PPP2R3B: variants seen among roughly 807,000 people sequenced by gnomAD.
PPP2R3B encodes serine/threonine-protein phosphatase 2A regulatory subunit B'' subunit beta.
A neutral mutation model predicts 72.9 loss-of-function variants in PPP2R3B; 68 were observed. The observed-to-expected ratio is 0.93, with a 90% CI of 0.77 to 1.14. The LOEUF (loss-of-function observed/expected upper bound fraction) is 1.14, where lower values mean the gene tolerates loss of function less well. Ranked by LOEUF, PPP2R3B falls within the 50% of genes most tolerant of loss-of-function variation. The pLI, the probability that PPP2R3B is intolerant of heterozygous loss-of-function variation, is 0.00. For synonymous variants in PPP2R3B, 466 were observed against 375.8 expected (o/e 1.24, Z -2.78); for missense variants, 1,018 against 842.0 (o/e 1.21, Z -2.59).
At chrX:353,993 A>G (rs759388553) in intron 2 of PPP2R3B, among the ~76,000 whole-genome samples, 64 of 133,568 alleles carry the variant, frequency 4.8e-4, no homozygotes, top group East Asian at 2.1e-3. Flanking sequence ...ACCAGGGCTC[A>G]TCCAAAGACC....
chrX:385,803 A>G (rs1450992811), intron 1 of PPP2R3B, among the ~76,000 whole-genome samples: 1 of 152,070 alleles, frequency 6.6e-6, no homozygotes, highest in Non-Finnish European at 1.5e-5. Context: ...AAAACGGACC[A>G]GGCGCAGTGA....
In PPP2R3B at chrX:334,625, C is replaced by T. The variant is rs779137561; in HGVS notation, c.1578-108G>A. On this transcript the variant is annotated intron_variant, in intron 12 of 12. Transcript: ENST00000390665. ...CCGCCAACCTCCAGCACGAGACAGTCCCCTGAGCCGACCTTGAGCTCCAGC... is the reference window on the plus strand; with the variant it reads ...CCGCCAACCTCCAGCACGAGACAGTTCCCTGAGCCGACCTTGAGCTCCAGC... The T allele has an allele frequency of 3.2e-4, 407 of 1,254,730 alleles. 7 individuals are homozygous for T. The South Asian group carries it at 7.2e-3, about 22-fold the overall frequency. The allele number at this position is 1,254,730 out of a possible 1,614,324, so 77.7% of individuals were successfully genotyped here.
chrX:339,181 G>T (rs1292881540), intron 10 of PPP2R3B, among the ~76,000 whole-genome samples: 1 of 150,816 alleles, frequency 6.6e-6, no homozygotes, highest in South Asian at 2.1e-4. Flanking sequence ...GGGCGCTGCT[G>T]GATCTGAAAT....
At chrX:382,909 G>A (rs1273353927) in intron 1 of PPP2R3B, among the ~76,000 whole-genome samples, 1 of 152,136 alleles carries the variant, frequency 6.6e-6, no homozygotes, top group Non-Finnish European at 1.5e-5. Flanking sequence ...GCAAGTCATG[G>A]AGGGGAACCA....
intron 2 of PPP2R3B, among the ~76,000 whole-genome samples, chrX:358,953 G>A (rs1228344724): frequency 6.7e-6 from 1 of 149,938 alleles, no homozygotes; most frequent in African/African-American, 2.4e-5. Context: ...GGTAGGGGAG[G>A]GCGGGGCGGC....
At chrX:341,804 A>C in intron 8 of PPP2R3B, 79 bp downstream of exon 8, 1 of 1,494,838 alleles carries the variant, frequency 6.7e-7, no homozygotes, top group Non-Finnish European at 9.3e-7. Context: ...CAAAAAGCTC[A>C]CGTCAGGCAA....
rs2071538796 is a variant in PPP2R3B at position 361,477 on chromosome X, G to T, written c.438C>A (p.Ser146Arg). The change falls in exon 2 of 13, where the codon AGC becomes AGA. Residue 146 changes from serine (S) to arginine (R), a missense_variant. By Grantham distance (110) the Ser-to-Arg change is moderately radical (BLOSUM62 -1). Coordinates refer to ENST00000390665, the MANE Select transcript of PPP2R3B (RefSeq NM_013239.5). Reference protein sequence around the residue: ...QDSVNVDAVISKIESTFARFP... With the variant: ...QDSVNVDAVIRKIESTFARFP... ...ACCGGGCGAAGGTGCTCTCGATCTT[G>T]CTGATGACGGCATCCACGTTGACGG... 3.7e-6 allele frequency: 6 copies of T among 1,613,902 alleles called. No individual in the cohort carries two copies. In the South Asian group the frequency reaches 5.5e-5, roughly 15 times the overall value.
Position 356,180 on chromosome X carries a change from G to A in PPP2R3B, c.510+5225C>T, listed in dbSNP as rs777005007. Among the ~76,000 whole-genome samples, 38 of 152,318 alleles carry A rather than the reference G, an allele frequency of 2.5e-4. No individual in the cohort carries two copies. In the South Asian group the frequency reaches 6.8e-3, roughly 27 times the overall value. ...GGTCAACGCTGCTGCCTGGAAATGCGTCACTCAGGGCCACCCCGGAAGCAG... is the reference window on the plus strand; with the variant it reads ...GGTCAACGCTGCTGCCTGGAAATGCATCACTCAGGGCCACCCCGGAAGCAG... On this transcript the variant is annotated intron_variant, in intron 2 of 12. Coordinates refer to ENST00000390665, the MANE Select transcript of PPP2R3B (RefSeq NM_013239.5).
intron 1 of PPP2R3B, among the ~76,000 whole-genome samples, chrX:375,315 G>A (rs1435241255): frequency 1.3e-5 from 2 of 151,846 alleles, no homozygotes; most frequent in Admixed American, 6.6e-5. Flanking sequence ...CCCACGATGC[G>A]GGGCGCAAAC....
chrX:363,408 A>G (rs2071592227), intron 1 of PPP2R3B, among the ~76,000 whole-genome samples: 5 of 148,110 alleles, frequency 3.4e-5, no homozygotes, highest in Admixed American at 6.7e-5. Flanking sequence ...CCGCAATCCC[A>G]CAGTGCATCT....
chrX:334,248 T>C lies in PPP2R3B; in HGVS notation c.*119A>G. On this transcript the variant is annotated 3_prime_UTR_variant, in exon 13 of 13. Coordinates refer to ENST00000390665, the MANE Select transcript of PPP2R3B (RefSeq NM_013239.5). ...CAATCAACACGCTTCTGTGAATAAA[T>C]AAAAGTTTATCATTCCGTACAAACG... The C allele has an allele frequency of 4.2e-6, 5 of 1,192,834 alleles. No homozygotes were observed. The highest frequency in any genetic ancestry group is 3.3e-6 in the Non-Finnish European group (3 of 910,968). 73.9% of individuals were successfully genotyped at this position (1,192,834 alleles called of 1,614,324 possible).
chrX:339,160 G>A (rs900981202), intron 10 of PPP2R3B, among the ~76,000 whole-genome samples: 18 of 151,628 alleles, frequency 1.2e-4, no homozygotes, highest in Admixed American at 1.3e-4. Flanking sequence ...GCAGGGAGGC[G>A]CGGCCAGCAG....
intron 1 of PPP2R3B, chrX:374,106 C>A (rs761748838): frequency 6.6e-5 from 10 of 150,914 alleles, no homozygotes; most frequent in African/African-American, 2.4e-4. Flanking sequence ...GCGGAACGCG[C>A]ATCAACAGGT....
chrX:344,098 GGGAGGCGGGAGTGAGACC>G lies in PPP2R3B; in HGVS notation c.1036+1400_1036+1417del, dbSNP rs1329423459. Among the ~76,000 whole-genome samples the G allele has an allele frequency of 7.8e-4, 110 of 141,808 alleles. 27 individuals are homozygous for G. Among genetic ancestry groups the G allele is most frequent in the Middle Eastern group, 3.7e-3 (1 of 268 alleles). 93.0% of individuals were successfully genotyped at this position (141,808 alleles called of 152,430 possible). On this transcript the variant is annotated intron_variant, in intron 7 of 12. Transcript: ENST00000390665. ...GAGGCGGGAGGGAGACCTCACCAAC[GGGAGGCGGGAGTGAGACC>G]TCACCAACGGGAGGCGGGAGGGAGA...
At chrX:363,662 C>CCCACAGTGCATATCCACGAGTCCACG (rs1569404284) in intron 1 of PPP2R3B, among the ~76,000 whole-genome samples, 11 of 2,252 alleles carry the variant, frequency 4.9e-3, no homozygotes, top group Non-Finnish European at 6.5e-3. Flanking sequence ...CTGTGCCCAC[C>CCCACAGTGCATATCCACGAGTCCACG]ATCCCACAAT....
Position 334,144 on chromosome X carries a change from A to C in PPP2R3B, c.*223T>G, listed in dbSNP as rs2070819342. On this transcript the variant is annotated 3_prime_UTR_variant, in exon 13 of 13. Coordinates refer to ENST00000390665, the MANE Select transcript of PPP2R3B (RefSeq NM_013239.5). The stretch of plus-strand genomic sequence containing the variant: ...AGCGCCAGAGGGTGTCCGTGTGGGA[A>C]CCCGTCCCATTCACGCGCGGCCCTA... 10 of 441,922 alleles carry C rather than the reference A, an allele frequency of 2.3e-5. No individual in the cohort carries two copies. The East Asian group carries it at 2.9e-4, about 13-fold the overall frequency. The allele number at this position is 441,922 out of a possible 1,614,324, so 27.4% of individuals were successfully genotyped here. A position where few individuals can be genotyped will look rare whatever the true frequency, so the allele number is the denominator to read the frequency against.
chrX:346,878 T>TG lies in PPP2R3B; in HGVS notation c.718-104dup, dbSNP rs1409358280. 7.2e-6 allele frequency: 8 copies of TG among 1,118,424 alleles called. No individual in the cohort carries two copies. In the African/African-American group the frequency reaches 1.1e-4, roughly 16 times the overall value. 69.3% of individuals were successfully genotyped at this position (1,118,424 alleles called of 1,614,324 possible). A position where few individuals can be genotyped will look rare whatever the true frequency, so the allele number is the denominator to read the frequency against. On this transcript the variant is annotated intron_variant, in intron 4 of 12. Coordinates refer to ENST00000390665, the MANE Select transcript of PPP2R3B (RefSeq NM_013239.5). Reference sequence around the variant, plus strand: ...GCGGACCCTCCCGTGAGCGATGAGGTGTGCGGTGTAGACGCCGGCCCTCCC... The same window carrying TG: ...GCGGACCCTCCCGTGAGCGATGAGGTGGTGCGGTGTAGACGCCGGCCCTCCC...
At chrX:375,083 C>A (rs2071960387) in intron 1 of PPP2R3B, among the ~76,000 whole-genome samples, 1 of 152,118 alleles carries the variant, frequency 6.6e-6, no homozygotes, top group Non-Finnish European at 1.5e-5. Context: ...CCCCTTCCAA[C>A]TCTTCTTAGG....
chrX:385,987 CAGG>C (rs1305677196), intron 1 of PPP2R3B, among the ~76,000 whole-genome samples: 1 of 152,140 alleles, frequency 6.6e-6, no homozygotes, highest in Non-Finnish European at 1.5e-5. Context: ...GAGCCTGAGG[CAGG>C]AGAATCGCTT....
Sources: allele counts gnomAD v4.1 joint callset (sites outside exome capture counted in the v4.1 genomes callset), GRCh38; gene constraint gnomAD v4.1.1; transcripts MANE v1.5; gene names NCBI Gene and HGNC (gene_info 2026-07-23, HGNC 2026-07-21).